PAK5: variants seen among roughly 807,000 people sequenced by gnomAD.
The protein encoded by PAK5 is p21 (RAC1) activated kinase 5, also known as serine/threonine-protein kinase PAK 5.
Under a neutral mutation model 65.9 loss-of-function variants are expected in PAK5, and 16 were observed. That is an observed-to-expected ratio of 0.24 (90% CI 0.16 to 0.37). PAK5 has a LOEUF of 0.37. Ranked by LOEUF, PAK5 falls within the 10% of genes least tolerant of loss-of-function variation. The pLI, the probability that PAK5 is intolerant of heterozygous loss-of-function variation, is 1.00. For synonymous variants in PAK5, 371 were observed against 354.9 expected (o/e 1.05, Z -0.51); for missense variants, 785 against 903.9 (o/e 0.87, Z 1.69).
chr20:9,586,815 T>A (rs1159447562), intron 3 of PAK5, among the ~76,000 whole-genome samples: 1 of 152,138 alleles, frequency 6.6e-6, no homozygotes, highest in African/African-American at 2.4e-5. Flanking sequence ...CCGAGAAAAA[T>A]ATTAATACTG....
rs75316826 is a variant in PAK5, at chr20:9,544,431, A to G, written c.1807T>C (p.Leu603=). Residue 603 remains leucine (L), a synonymous_variant, in exon 8 of 10, where the codon TTG becomes CTG. Transcript: ENST00000353224. ...GCCATCCAGTAGGGAGTGCCAACCA[A>G]TGATTTCCTCTTCGGCACCTCTTTG... ...VSKEVPKRKS[L]VGTPYWMAPE... The G allele has an allele frequency of 1.6e-3, 2,545 of 1,613,890 alleles. 31 individuals carry two copies. The African/African-American group carries it at 0.027, about 17-fold the overall frequency.
At chr20:9,662,966 G>A (rs984362826) in intron 2 of PAK5, among the ~76,000 whole-genome samples, 6 of 152,106 alleles carry the variant, frequency 3.9e-5, no homozygotes, top group African/African-American at 1.2e-4. Flanking sequence ...AATGAGCCAA[G>A]GAATGGAATG....
At chr20:9,568,789 A>G (rs1266320018) in intron 4 of PAK5, among the ~76,000 whole-genome samples, 1 of 152,166 alleles carries the variant, frequency 6.6e-6, no homozygotes, top group Non-Finnish European at 1.5e-5. Context: ...CTATGATTGC[A>G]CCACTGCACT....
chr20:9,610,923 C>T (rs555513433), intron 3 of PAK5, among the ~76,000 whole-genome samples: 1 of 152,216 alleles, frequency 6.6e-6, no homozygotes, highest in Non-Finnish European at 1.5e-5. Context: ...CACGAGAGGA[C>T]ATGGCCTTTG....
chr20:9,570,941 C>T (rs1258470163), intron 4 of PAK5, among the ~76,000 whole-genome samples: 1 of 152,180 alleles, frequency 6.6e-6, no homozygotes, highest in Non-Finnish European at 1.5e-5. Flanking sequence ...CCTGCCTGCA[C>T]CAAGGGGACA....
chr20:9,595,098 C>CAT (rs200491425), intron 3 of PAK5, among the ~76,000 whole-genome samples: 1,603 of 150,404 alleles, frequency 0.011, 36 homozygotes, highest in African/African-American at 0.038. Context: ...TACACATATA[C>CAT]ATATATATAC....
intron 1 of PAK5, among the ~76,000 whole-genome samples, chr20:9,770,342 G>A (rs1281264676): frequency 6.6e-6 from 1 of 152,080 alleles, no homozygotes; most frequent in Non-Finnish European, 1.5e-5. Context: ...AAAGAAACAA[G>A]AAACAAGAAA....
At chr20:9,780,645 T>C (rs934828907) in intron 1 of PAK5, among the ~76,000 whole-genome samples, 2 of 151,948 alleles carry the variant, frequency 1.3e-5, no homozygotes, top group African/African-American at 2.4e-5. Context: ...AAACAATACA[T>C]CTTAGTTATT....
intron 1 of PAK5, among the ~76,000 whole-genome samples, chr20:9,736,882 T>A (rs908963841): frequency 6.6e-6 from 1 of 152,012 alleles, no homozygotes; most frequent in African/African-American, 2.4e-5. Flanking sequence ...TCAAAAACAG[T>A]GATAATAAGA....
At chr20:9,812,576 T>C (rs76389985) in intron 1 of PAK5, among the ~76,000 whole-genome samples, 9,654 of 152,124 alleles carry the variant, frequency 0.063, 337 homozygotes, top group East Asian at 0.099. Flanking sequence ...CCCATTACAC[T>C]CCTAGATGTA....
chr20:9,548,803 A>C (rs2045383745), intron 7 of PAK5, among the ~76,000 whole-genome samples: 1 of 152,236 alleles, frequency 6.6e-6, no homozygotes, highest in Non-Finnish European at 1.5e-5. Context: ...TGAAATGAAA[A>C]TAACATTTTG....
intron 2 of PAK5, among the ~76,000 whole-genome samples, chr20:9,680,267 T>A (rs2047631938): frequency 6.6e-6 from 1 of 152,158 alleles, no homozygotes; most frequent in Non-Finnish European, 1.5e-5. Flanking sequence ...TAAGTTAAAG[T>A]TATATCAGCA....
intron 7 of PAK5, among the ~76,000 whole-genome samples, chr20:9,549,493 A>G (rs2045394489): frequency 6.6e-6 from 1 of 152,138 alleles, no homozygotes; most frequent in African/African-American, 2.4e-5. Context: ...TAGCCTAAGG[A>G]CTTAAAGCAG....
At position 9,539,215 on chromosome 20, in the gene PAK5, G is replaced by C. The variant is rs765875304; in HGVS notation, c.*247C>G. 5.0e-6 allele frequency: 2 copies of C among 397,468 alleles called. No individual in the cohort carries two copies. The highest frequency in any genetic ancestry group is 9.3e-6 in the Non-Finnish European group (2 of 216,144). The allele number at this position is 397,468 out of a possible 1,614,324, so 24.6% of individuals were successfully genotyped here. On this transcript the variant is annotated 3_prime_UTR_variant, in exon 10 of 10. Coordinates refer to ENST00000353224, the MANE Select transcript of PAK5 (RefSeq NM_177990.4). ...GTCCTTCTGATTTGCTGGATGAAGG[G>C]CTGAAAAATATAATAATGACTTATT...
intron 1 of PAK5, among the ~76,000 whole-genome samples, chr20:9,726,968 C>T (rs1232141080): frequency 1.3e-5 from 2 of 152,146 alleles, no homozygotes; most frequent in African/African-American, 4.8e-5. Context: ...GGTCCAAAGG[C>T]TTTGCCAATT....
At chr20:9,739,769 A>G (rs1055059905) in intron 1 of PAK5, among the ~76,000 whole-genome samples, 1 of 152,120 alleles carries the variant, frequency 6.6e-6, no homozygotes, top group South Asian at 2.1e-4. Flanking sequence ...GAAGGGAAGT[A>G]TGTTTTGTTC....
At chr20:9,762,329 T>C (rs970746385) in intron 1 of PAK5, among the ~76,000 whole-genome samples, 2 of 152,160 alleles carry the variant, frequency 1.3e-5, no homozygotes, top group Non-Finnish European at 1.5e-5. Context: ...AAAGACAACC[T>C]ATGGAATAGT....
At chr20:9,721,952 T>C (rs374048768) in intron 1 of PAK5, among the ~76,000 whole-genome samples, 2 of 152,318 alleles carry the variant, frequency 1.3e-5, no homozygotes, top group South Asian at 4.1e-4. Context: ...ATATTTTCAT[T>C]CTAGCTGTAA....
chr20:9,601,190 T>C (rs2046353335), intron 3 of PAK5, among the ~76,000 whole-genome samples: 1 of 152,196 alleles, frequency 6.6e-6, no homozygotes, highest in Non-Finnish European at 1.5e-5. Flanking sequence ...CACAGCCTAT[T>C]ACAAGGGAGA....
Sources: gnomAD v4.1 joint callset for allele counts (sites outside exome capture counted in the v4.1 genomes callset) on GRCh38, gnomAD v4.1.1 for gene constraint, MANE v1.5 for transcripts, NCBI Gene and HGNC (gene_info 2026-07-23, HGNC 2026-07-21) for gene names.